Variants in NUMB observed in about 807,000 individuals in gnomAD.
NUMB encodes the protein NUMB endocytic adaptor protein, also known as protein numb homolog.
NUMB carries 29 observed loss-of-function variants against 59.7 expected under a neutral mutation model. The observed-to-expected ratio is 0.49, with a 90% confidence interval of 0.36 to 0.66. The LOEUF (loss-of-function observed/expected upper bound fraction) is 0.66. NUMB is among the 30% of genes least tolerant of loss of function. NUMB has a pLI of 0.00. For synonymous variants in NUMB, 288 were observed against 288.2 expected (o/e 1.00, Z 0.01); for missense variants, 723 against 822.0 (o/e 0.88, Z 1.47).
chr14:73,422,072 A>G (rs1475428214), intron 1 of NUMB, among the ~76,000 whole-genome samples: 7 of 151,984 alleles, frequency 4.6e-5, no homozygotes, highest in Non-Finnish European at 8.8e-5. Context: ...TGAATCTGGG[A>G]GGTGGAGGTT....
intron 2 of NUMB, among the ~76,000 whole-genome samples, chr14:73,375,829 G>A (rs1894919570): frequency 6.6e-6 from 1 of 152,068 alleles, no homozygotes; most frequent in East Asian, 1.9e-4. Flanking sequence ...CTCCATAAAT[G>A]CAGAAAAAGC....
chr14:73,282,952 A>T (rs1304424107), intron 10 of NUMB, among the ~76,000 whole-genome samples: 1 of 152,208 alleles, frequency 6.6e-6, no homozygotes, highest in African/African-American at 2.4e-5. Flanking sequence ...AAGTCTGGGC[A>T]CTAGTGGATG....
chr14:73,357,352 A>G (rs1594945682), intron 3 of NUMB, among the ~76,000 whole-genome samples: 1 of 148,880 alleles, frequency 6.7e-6, no homozygotes. Context: ...GCAGTGAGCC[A>G]AGATCGCGCC....
intron 1 of NUMB, among the ~76,000 whole-genome samples, chr14:73,440,111 A>G (rs566010243): frequency 1.2e-4 from 19 of 152,240 alleles, no homozygotes; most frequent in Admixed American, 1.2e-3. Flanking sequence ...TTAGTGATAA[A>G]GCAGAAAATT....
chr14:73,280,818 C>G (rs549931399), intron 11 of NUMB, among the ~76,000 whole-genome samples: 2 of 151,332 alleles, frequency 1.3e-5, no homozygotes, highest in Non-Finnish European at 2.9e-5. Flanking sequence ...CTCAGCCTCC[C>G]GAGTAGCTGA....
At chr14:73,415,566 C>T (rs576492505) in intron 1 of NUMB, among the ~76,000 whole-genome samples, 168 of 151,052 alleles carry the variant, frequency 1.1e-3, no homozygotes, top group Non-Finnish European at 1.8e-3. Context: ...TCCCAGCTTC[C>T]AGCAATTCTC....
rs1332406010 is a variant in NUMB at position 73,275,545 on chromosome 14, GA to G, written c.*1032del. On this transcript the variant is annotated 3_prime_UTR_variant, in exon 13 of 13. Coordinates refer to ENST00000555238, the MANE Select transcript of NUMB (RefSeq NM_001005743.2). Reference sequence around the variant, plus strand: ...TAACCTGTGTTCCCTTCTATGGTATGATTATGTCATGTTACCTTAGTGTTAA... The same window carrying G: ...TAACCTGTGTTCCCTTCTATGGTATGTTATGTCATGTTACCTTAGTGTTAA... 6.6e-6 allele frequency: 1 copy of G among 151,988 alleles called. No homozygotes were observed. The highest frequency in any genetic ancestry group is 1.5e-5 in the Non-Finnish European group (1 of 68,010). The allele number at this position is 151,988 out of a possible 1,614,324, so 9.4% of individuals were successfully genotyped here.
rs1411142414 is a variant in NUMB, at chr14:73,441,899, A to G, written c.-233+16594T>C. On this transcript the variant is annotated intron_variant, in intron 1 of 12. Coordinates refer to ENST00000555238, the MANE Select transcript of NUMB (RefSeq NM_001005743.2). ...AAACAACAATAAAAAAAATAAAATA[A>G]AAGAGGTAATAACAATTGTTGGCGA... Among the ~76,000 whole-genome samples the G allele has an allele frequency of 2.6e-5, 4 of 152,138 alleles. No individual in the cohort carries two copies. The East Asian group carries it at 5.8e-4, about 22-fold the overall frequency.
At chr14:73,334,949 CAAA>C (rs10700256) in intron 4 of NUMB, among the ~76,000 whole-genome samples, 5 of 110,304 alleles carry the variant, frequency 4.5e-5, no homozygotes, top group Admixed American at 9.7e-5. Flanking sequence ...AACTCTGTCT[CAAA>C]AAAAAAAAAA....
chr14:73,374,649 A>T (rs1894862180), intron 2 of NUMB, among the ~76,000 whole-genome samples: 1 of 151,920 alleles, frequency 6.6e-6, no homozygotes, highest in Non-Finnish European at 1.5e-5. Context: ...AGATTGGCAT[A>T]GGCAACATCA....
chr14:73,423,310 G>A (rs1897432205), intron 1 of NUMB, among the ~76,000 whole-genome samples: 1 of 150,340 alleles, frequency 6.7e-6, no homozygotes, highest in Admixed American at 6.7e-5. Context: ...GACCAGCCTG[G>A]CCAACATGAT....
intron 2 of NUMB, among the ~76,000 whole-genome samples, chr14:73,389,294 CAAAAACAA>C (rs1566775250): frequency 1.3e-5 from 1 of 77,254 alleles, no homozygotes; most frequent in African/African-American, 5.2e-5. Context: ...AAAAAAAAAA[CAAAAACAA>C]AAACACTGGT....
At chr14:73,424,536 T>A (rs943144498) in intron 1 of NUMB, among the ~76,000 whole-genome samples, 7 of 152,308 alleles carry the variant, frequency 4.6e-5, no homozygotes, top group African/African-American at 1.7e-4. Context: ...CAAACACCTA[T>A]ATGCACACAG....
chr14:73,345,379 T>G (rs1267116082), intron 4 of NUMB, among the ~76,000 whole-genome samples: 1 of 152,090 alleles, frequency 6.6e-6, no homozygotes, highest in Non-Finnish European at 1.5e-5. Flanking sequence ...AAACTACCTA[T>G]CAGGTACCAT....
intron 2 of NUMB, among the ~76,000 whole-genome samples, chr14:73,402,365 C>G (rs1896459381): frequency 6.6e-6 from 1 of 152,128 alleles, no homozygotes; most frequent in Non-Finnish European, 1.5e-5. Context: ...CTAAAAATAG[C>G]AGGAGCAGAT....
chr14:73,338,521 T>A (rs1405685463), intron 4 of NUMB, among the ~76,000 whole-genome samples: 1 of 152,248 alleles, frequency 6.6e-6, no homozygotes, highest in Non-Finnish European at 1.5e-5. Context: ...TATAGCTGAT[T>A]CTCAGCACAG....
At chr14:73,307,670 T>C (rs1159320567) in intron 6 of NUMB, among the ~76,000 whole-genome samples, 1 of 150,256 alleles carries the variant, frequency 6.7e-6, no homozygotes, top group Non-Finnish European at 1.5e-5. Context: ...TTACTCTGAG[T>C]AGGTCAGGAA....
At chr14:73,456,798 C>T (rs80160361) in intron 1 of NUMB, among the ~76,000 whole-genome samples, 42 of 152,310 alleles carry the variant, frequency 2.8e-4, no homozygotes, top group Admixed American at 9.2e-4. Context: ...CTCTGACCAA[C>T]GTGATCATCA....
intron 10 of NUMB, among the ~76,000 whole-genome samples, chr14:73,283,463 TA>T (rs1888770404): frequency 6.6e-6 from 1 of 152,222 alleles, no homozygotes; most frequent in South Asian, 2.1e-4. Flanking sequence ...ATACTTTAGC[TA>T]CAGATTTTAT....
Sources: allele counts gnomAD v4.1 joint callset (sites outside exome capture counted in the v4.1 genomes callset), GRCh38; gene constraint gnomAD v4.1.1; transcripts MANE v1.5; gene names NCBI Gene and HGNC (gene_info 2026-07-23, HGNC 2026-07-21).